The following NAV1 variants were observed in gnomAD, a reference collection of about 807,000 sequenced individuals.
The protein encoded by NAV1 is neuron navigator 1, also known as pore membrane and/or filament interacting like protein 3.
In NAV1, 18 loss-of-function variants were observed where a neutral mutation model predicts 175.2. The ratio of observed to expected loss-of-function variants is 0.10; its 90% CI spans 0.07 to 0.15. NAV1 has a LOEUF of 0.15. Among genes scored for constraint, NAV1 ranks in the 10% least tolerant of loss-of-function variants. The pLI, the probability that NAV1 is intolerant of heterozygous loss-of-function variation, is 1.00. For synonymous variants in NAV1, 897 were observed against 978.7 expected (o/e 0.92, Z 1.56); for missense variants, 1,731 against 2,436.6 (o/e 0.71, Z 6.10).
chr1:201,731,889 G>A (rs533185585), intron 3 of NAV1, among the ~76,000 whole-genome samples: 5 of 152,240 alleles, frequency 3.3e-5, no homozygotes, highest in South Asian at 2.1e-4. Context: ...AAGCCACAGC[G>A]AGCCTCCACA....
intron 1 of NAV1, among the ~76,000 whole-genome samples, chr1:201,704,300 C>T (rs993186505): frequency 6.6e-6 from 1 of 152,196 alleles, no homozygotes; most frequent in Non-Finnish European, 1.5e-5. Context: ...CGGTGGCTCC[C>T]GAGCCTGAGC....
intron 7 of NAV1, 30 bp downstream of exon 11, chr1:201,783,882 C>G (rs764009659): frequency 3.8e-6 from 6 of 1,571,732 alleles, no homozygotes; most frequent in Non-Finnish European, 5.2e-6. Context: ...GAACCTCGGC[C>G]TGTCTCCGTG....
chr1:201,676,192 G>A (rs1470379969), intron 1 of NAV1, among the ~76,000 whole-genome samples: 1 of 152,172 alleles, frequency 6.6e-6, no homozygotes, highest in Admixed American at 6.5e-5. Flanking sequence ...CTGGCCTCCT[G>A]CAGAGAGGTC....
intron 1 of NAV1, among the ~76,000 whole-genome samples, chr1:201,652,028 A>G (rs1016972042): frequency 1.3e-5 from 2 of 152,016 alleles, no homozygotes; most frequent in East Asian, 1.9e-4. Context: ...TACAGAGGGA[A>G]TTCGTCTTCC....
chr1:201,809,108 T>C, intron 20 of NAV1, 56 bp from the exon 25 acceptor site: 1 of 1,549,604 alleles, frequency 6.5e-7, no homozygotes, highest in South Asian at 1.1e-5. Context: ...GATGGGAAAG[T>C]TTAGGAAAGG....
At chr1:201,602,980 C>T (rs557610948) in intron 2 of NAV1, among the ~76,000 whole-genome samples, 25 of 152,226 alleles carry the variant, frequency 1.6e-4, no homozygotes, top group African/African-American at 5.5e-4. Context: ...GTACTGGGGG[C>T]GAGAGCTCGG....
chr1:201,676,603 C>G (rs754692370), intron 1 of NAV1, among the ~76,000 whole-genome samples: 1 of 152,126 alleles, frequency 6.6e-6, no homozygotes, highest in Admixed American at 6.5e-5. Context: ...CTGGGGTTCC[C>G]GGTAGCTCCT....
At chr1:201,721,796 G>C (rs957180263) in intron 3 of NAV1, among the ~76,000 whole-genome samples, 1 of 152,130 alleles carries the variant, frequency 6.6e-6, no homozygotes, top group Non-Finnish European at 1.5e-5. Context: ...TCGGCTCCAA[G>C]CTATCCGAGT....
chr1:201,636,219 A>G (rs1455208497), intron 2 of NAV1, among the ~76,000 whole-genome samples: 1 of 152,220 alleles, frequency 6.6e-6, no homozygotes, highest in Non-Finnish European at 1.5e-5. Flanking sequence ...TGCTGGCTCC[A>G]TGCCAGTCTT....
chr1:201,623,532 G>C (rs1378239741), exon 1 of NAV1: 3 of 986,060 alleles, frequency 3.0e-6, no homozygotes, highest in South Asian at 4.7e-5. Flanking sequence ...CTCCCTCTCC[G>C]GGGGCCATTA....
At chr1:201,680,238 G>A (rs370403375) in intron 1 of NAV1, among the ~76,000 whole-genome samples, 17 of 152,078 alleles carry the variant, frequency 1.1e-4, no homozygotes, top group East Asian at 7.7e-4. Flanking sequence ...GGCTGGGCGC[G>A]GTGGCTCACG....
intron 1 of NAV1, among the ~76,000 whole-genome samples, chr1:201,695,708 A>G (rs747448722): frequency 1.3e-5 from 2 of 152,086 alleles, no homozygotes; most frequent in Non-Finnish European, 2.9e-5. Flanking sequence ...GGGCTGAGAG[A>G]AGGCCTGGCT....
chr1:201,776,389 C>T (rs1675945141), intron 3 of NAV1, among the ~76,000 whole-genome samples: 1 of 149,764 alleles, frequency 6.7e-6, no homozygotes. Flanking sequence ...CGCCTATAAT[C>T]CCAGCACTTT....
chr1:201,744,814 C>T (rs1277227650), intron 3 of NAV1, among the ~76,000 whole-genome samples: 1 of 152,202 alleles, frequency 6.6e-6, no homozygotes, highest in East Asian at 1.9e-4. Context: ...ACTTCTCTGC[C>T]TAGACCCATC....
chr1:201,789,858 C>T, intron 11 of NAV1, 66 bp downstream of exon 15: 1 of 1,496,290 alleles, frequency 6.7e-7, no homozygotes, highest in Non-Finnish European at 9.3e-7. Context: ...TCCCTAGAAC[C>T]TCCTTGGAGT....
At chr1:201,593,317 A>G (rs764117014) in intron 2 of NAV1, among the ~76,000 whole-genome samples, 5 of 152,144 alleles carry the variant, frequency 3.3e-5, no homozygotes, top group African/African-American at 1.2e-4. Flanking sequence ...TCGGGCCTCA[A>G]TCCACTCCTG....
At chr1:201,573,321 G>T (rs1052442720) in intron 1 of NAV1, among the ~76,000 whole-genome samples, 3 of 150,096 alleles carry the variant, frequency 2.0e-5, no homozygotes, top group Non-Finnish European at 4.5e-5. Context: ...ATGTGTGTGT[G>T]TATGCGTGTG....
Position 201,602,664 on chromosome 1 carries a change from TTG to T in NAV1, c.-33+14016_-33+14017del, listed in dbSNP as rs869239924. ...TTTTTTTTTTTGGTTTTTTTTTTTT[TTG>T]GTTTTTTTTTTACCATGAGCTCATC... On this transcript the variant is annotated intron_variant, in intron 2 of 33. Coordinates refer to the NAV1 transcript ENST00000685211. Among the ~76,000 whole-genome samples the T allele has an allele frequency of 4.5e-3, 552 of 121,584 alleles. 5 individuals are homozygous for T. The highest frequency in any genetic ancestry group is 0.014 in the African/African-American group (504 of 36,794). The allele number at this position is 121,584 out of a possible 152,430, so 79.8% of individuals were successfully genotyped here. A position where few individuals can be genotyped will look rare whatever the true frequency, so the allele number is the denominator to read the frequency against.
At chr1:201,649,177 A>G (rs1274129895) in exon 1 of NAV1, 1 of 1,612,368 alleles carries the variant, frequency 6.2e-7, no homozygotes, top group Non-Finnish European at 8.5e-7. Flanking sequence ...AACCTGGGAA[A>G]GCCGAGCCGG....
Sources: gnomAD v4.1 joint callset for allele counts (sites outside exome capture counted in the v4.1 genomes callset) on GRCh38, gnomAD v4.1.1 for gene constraint, MANE v1.5 for transcripts, NCBI Gene and HGNC (gene_info 2026-07-23, HGNC 2026-07-21) for gene names.